Variants in KCNC4 observed in about 807,000 individuals in gnomAD.
The protein encoded by KCNC4 is voltage-gated potassium channel KCNC4.
Under a neutral mutation model 42.8 loss-of-function variants are expected in KCNC4, and 23 were observed. The observed-to-expected ratio is 0.54, with a 90% CI of 0.39 to 0.76. KCNC4 has a LOEUF of 0.76. KCNC4 is among the 30% of genes least tolerant of loss of function. KCNC4 has a pLI of 0.00. For synonymous variants in KCNC4, 422 were observed against 393.5 expected, an observed-to-expected ratio of 1.07 and a Z score of -0.86; for missense variants, 751 against 898.2, an observed-to-expected ratio of 0.84 and a Z score of 2.10.
chr1:110,245,693 T>G (rs1659131634), exon 4 of KCNC4: 1 of 152,330 alleles, frequency 6.6e-6, no homozygotes, highest in East Asian at 1.9e-4. Context: ...GGCTTGACTA[T>G]GGAACCATCC....
chr1:110,246,577 T>A (rs1245039910), exon 4 of KCNC4: 1 of 152,282 alleles, frequency 6.6e-6, no homozygotes, highest in Non-Finnish European at 1.5e-5. Context: ...GCCTCTCTTT[T>A]GGGCCTCAGT....
chr1:110,217,873 T>C (rs1196048984), intron 1 of KCNC4, among the ~76,000 whole-genome samples: 2 of 152,102 alleles, frequency 1.3e-5, no homozygotes, highest in Non-Finnish European at 2.9e-5. Context: ...ACCTTCTCAT[T>C]TCCTGCCTCT....
At chr1:110,258,736 A>G (rs1266957892) in intron 1 of KCNC4, among the ~76,000 whole-genome samples, 1 of 152,172 alleles carries the variant, frequency 6.6e-6, no homozygotes, top group African/African-American at 2.4e-5. Flanking sequence ...ATTTGAGCAA[A>G]ATATCAATTC....
intron 1 of KCNC4, chr1:110,219,867 T>G (rs1208485123): frequency 6.6e-6 from 1 of 152,132 alleles, no homozygotes; most frequent in South Asian, 2.1e-4. Context: ...AAGGAATAAT[T>G]TGGGCCCTGA....
chr1:110,232,969 T>G lies in KCNC4; in HGVS notation c.1878T>G (p.Ser626=). The change falls in exon 4 of 4, where the codon TCT becomes TCG. Residue 626 remains serine, a synonymous_variant. Transcript: ENST00000438661. ...NYAQAEVLTL[S] ...CCCAGGCTGAAGTCCTCACCCTCTC[T>G]TAAAGCGGCACCAACGTGAGAGAGA... 1 of 1,610,642 alleles carries G rather than the reference T, an allele frequency of 6.2e-7. No homozygotes were observed. The highest frequency in any genetic ancestry group is 1.1e-5 in the South Asian group (1 of 89,918).
At chr1:110,278,297 G>T (rs1236437671) in intron 1 of KCNC4, among the ~76,000 whole-genome samples, 2 of 152,182 alleles carry the variant, frequency 1.3e-5, no homozygotes, top group Non-Finnish European at 2.9e-5. Flanking sequence ...TTTATCCATA[G>T]ATTGAGATGA....
chr1:110,241,296 T>C (rs1659028339), exon 4 of KCNC4: 1 of 152,206 alleles, frequency 6.6e-6, no homozygotes, highest in Non-Finnish European at 1.5e-5. Flanking sequence ...GCTCTCTTCA[T>C]TTTCTGACCT....
chr1:110,218,463 C>T (rs1215637603), intron 1 of KCNC4, among the ~76,000 whole-genome samples: 1 of 152,148 alleles, frequency 6.6e-6, no homozygotes, highest in East Asian at 1.9e-4. Context: ...GGAAACAACT[C>T]CCCTATCCTC....
At chr1:110,247,557 T>TTTTCC (rs71878403) in exon 4 of KCNC4, 1 of 80,560 alleles carries the variant, frequency 1.2e-5, no homozygotes, top group African/African-American at 6.5e-5. Context: ...TCTTTTTTCT[T>TTTTCC]TTTTTTTTTT....
intron 1 of KCNC4, 88 bp downstream of exon 1, chr1:110,212,265 C>G: frequency 2.3e-6 from 3 of 1,293,136 alleles, no homozygotes; most frequent in South Asian, 4.3e-5. Flanking sequence ...GAGCAGGGAC[C>G]GAGCCTGACT....
downstream of KCNC4, among the ~76,000 whole-genome samples, chr1:110,253,602 C>T (rs1477107616): frequency 6.6e-6 from 1 of 152,198 alleles, no homozygotes; most frequent in African/African-American, 2.4e-5. Flanking sequence ...GTGGGAGACC[C>T]GGACCAGGAC....
chr1:110,235,670 C>T (rs1227582938), downstream of KCNC4: 3 of 152,180 alleles, frequency 2.0e-5, no homozygotes, highest in Admixed American at 6.5e-5. Context: ...GACTGCCCCT[C>T]CTCCCCACCT....
intron 1 of KCNC4, among the ~76,000 whole-genome samples, chr1:110,215,784 A>T (rs1657764137): frequency 1.3e-5 from 2 of 152,204 alleles, no homozygotes; most frequent in South Asian, 4.1e-4. Flanking sequence ...CAGTATACAG[A>T]TAAGGAAACA....
chr1:110,217,921 TGGGCACAA>T (rs1557854528), intron 1 of KCNC4, among the ~76,000 whole-genome samples: 1 of 152,186 alleles, frequency 6.6e-6, no homozygotes, highest in Admixed American at 6.5e-5. Flanking sequence ...CAGCACTGCC[TGGGCACAA>T]GGATCTTGCT....
At position 110,276,264 on chromosome 1, in the gene KCNC4, TA is replaced by T. The variant is rs1214541481; in HGVS notation, n.31-6263del. On this transcript the variant is annotated intron_variant and non_coding_transcript_variant, in intron 1 of 2. Transcript: ENST00000412512. The stretch of plus-strand genomic sequence containing the variant: ...TTCACCACTATATAATATATCCATG[TA>T]AAAAAAGCTGCACTTATATCCTTTC... Among the ~76,000 whole-genome samples the T allele has an allele frequency of 2.9e-5, 3 of 104,716 alleles. No homozygotes were observed. The East Asian group carries it at 8.3e-4, about 29-fold the overall frequency. The allele number at this position is 104,716 out of a possible 152,430, so 68.7% of individuals were successfully genotyped here. A position where few individuals can be genotyped will look rare whatever the true frequency, so the allele number is the denominator to read the frequency against.
chr1:110,226,227 C>T lies in KCNC4; in HGVS notation c.1819+49C>T. On this transcript the variant is annotated intron_variant, in intron 3 of 3. Coordinates refer to ENST00000438661, the MANE Select transcript of KCNC4 (RefSeq NM_001039574.3). Reference sequence around the variant, plus strand: ...GTGGGGAGCCCCCACAGAGCTGAGTCTCCCGAGTCCCCCACCAAGAGCCTG... The same window carrying T: ...GTGGGGAGCCCCCACAGAGCTGAGTTTCCCGAGTCCCCCACCAAGAGCCTG... 6 of 1,555,558 alleles carry T rather than the reference C, an allele frequency of 3.9e-6. No homozygotes were observed. The Admixed American group carries it at 1.0e-4, about 26-fold the overall frequency.
chr1:110,213,107 C>T (rs1250234567), intron 1 of KCNC4, among the ~76,000 whole-genome samples: 1 of 146,172 alleles, frequency 6.8e-6, no homozygotes, highest in Non-Finnish European at 1.5e-5. Context: ...ATCCAGTTTC[C>T]CTAACTCCTT....
chr1:110,246,215 C>T (rs1443834511), exon 4 of KCNC4: 1 of 152,230 alleles, frequency 6.6e-6, no homozygotes, highest in Admixed American at 6.5e-5. Context: ...CAGCCTTTTC[C>T]AGATCCCAGA....
Position 110,258,591 on chromosome 1 carries a change from T to C in KCNC4, n.31-23943T>C, listed in dbSNP as rs542556597. On this transcript the variant is annotated intron_variant and non_coding_transcript_variant, in intron 1 of 2. Coordinates refer to the KCNC4 transcript ENST00000412512. Reference sequence around the variant, plus strand: ...TTCTAAATTTTCTTCAGCGTGTATGTGTTGATTTCACAATGAGAGAAAAAC... The same window carrying C: ...TTCTAAATTTTCTTCAGCGTGTATGCGTTGATTTCACAATGAGAGAAAAAC... 3.3e-5 allele frequency among the ~76,000 whole-genome samples: 5 copies of C among 152,358 alleles called. No homozygotes were observed. In the South Asian group the frequency reaches 1.0e-3, roughly 32 times the overall value.
Sources: allele counts gnomAD v4.1 joint callset (sites outside exome capture counted in the v4.1 genomes callset), GRCh38; gene constraint gnomAD v4.1.1; transcripts MANE v1.5; gene names NCBI Gene and HGNC (gene_info 2026-07-23, HGNC 2026-07-21).